ADGRL2: variants seen among roughly 807,000 people sequenced by gnomAD.
ADGRL2 encodes the protein calcium-independent alpha-latrotoxin receptor 2.
A neutral mutation model predicts 157.4 loss-of-function variants in ADGRL2; 44 were observed. The ratio of observed to expected loss-of-function variants is 0.28; its 90% CI spans 0.22 to 0.36. The LOEUF is 0.36. Ranked by LOEUF, ADGRL2 falls within the 10% of genes least tolerant of loss-of-function variation. The probability of loss-of-function intolerance (pLI) is 1.00; values close to 1 mark genes in which losing one functional copy is unlikely to be tolerated. For missense variants in ADGRL2, 1,510 were observed against 1,768.9 expected (o/e 0.85, Z 2.63); for synonymous variants, 585 against 624.7 (o/e 0.94, Z 0.95).
At chr1:81,342,050 T>C (rs985788022) in intron 1 of ADGRL2, among the ~76,000 whole-genome samples, 12 of 152,282 alleles carry the variant, frequency 7.9e-5, no homozygotes, top group Admixed American at 5.2e-4. Context: ...ACTTAGTTAG[T>C]GACAGTCAGA....
At chr1:81,314,494 A>G (rs1341098339) in intron 1 of ADGRL2, among the ~76,000 whole-genome samples, 1 of 152,182 alleles carries the variant, frequency 6.6e-6, no homozygotes, top group East Asian at 1.9e-4. Flanking sequence ...AACCATTTGT[A>G]TTAATCCACA....
At chr1:81,982,443 C>T (rs952729417) in intron 19 of ADGRL2, among the ~76,000 whole-genome samples, 8 of 151,896 alleles carry the variant, frequency 5.3e-5, no homozygotes, top group Non-Finnish European at 1.0e-4. Flanking sequence ...TAGTACCTTA[C>T]ATCTTACTTA....
At chr1:81,560,058 T>C (rs6605238) in intron 2 of ADGRL2, among the ~76,000 whole-genome samples, 2 of 152,040 alleles carry the variant, frequency 1.3e-5, no homozygotes, top group African/African-American at 4.8e-5. Flanking sequence ...ATACCTTTTT[T>C]TAATCCAGAC....
chr1:81,350,997 T>C (rs1004081609), intron 1 of ADGRL2, among the ~76,000 whole-genome samples: 1 of 152,196 alleles, frequency 6.6e-6, no homozygotes, highest in East Asian at 1.9e-4. Context: ...ATAAAAAATA[T>C]GTAAAATCTG....
At chr1:81,412,153 C>T (rs1291214417) in intron 1 of ADGRL2, among the ~76,000 whole-genome samples, 1 of 152,090 alleles carries the variant, frequency 6.6e-6, no homozygotes, top group Non-Finnish European at 1.5e-5. Flanking sequence ...GAAACTGATG[C>T]AGAGAAAAGT....
intron 1 of ADGRL2, among the ~76,000 whole-genome samples, chr1:81,332,662 G>A (rs1661352885): frequency 6.6e-6 from 1 of 152,116 alleles, no homozygotes; most frequent in Non-Finnish European, 1.5e-5. Flanking sequence ...GGACTCCTCT[G>A]AGGAAACATG....
chr1:81,435,825 G>A (rs903434887), intron 1 of ADGRL2, among the ~76,000 whole-genome samples: 6 of 152,116 alleles, frequency 3.9e-5, no homozygotes, highest in African/African-American at 7.2e-5. Context: ...GACAGGGTGC[G>A]GTGGCTCATG....
intron 1 of ADGRL2, among the ~76,000 whole-genome samples, chr1:81,317,005 G>C (rs919109302): frequency 1.3e-5 from 2 of 152,094 alleles, no homozygotes; most frequent in African/African-American, 2.4e-5. Flanking sequence ...AATGCTATCT[G>C]TCTGTCTTTT....
At chr1:81,772,280 T>C (rs1571160411) in intron 2 of ADGRL2, among the ~76,000 whole-genome samples, 1 of 151,692 alleles carries the variant, frequency 6.6e-6, no homozygotes, top group African/African-American at 2.4e-5. Flanking sequence ...TATCCTTTAG[T>C]GTTTAATTTC....
At chr1:81,582,964 T>C (rs150219121) in intron 3 of ADGRL2, among the ~76,000 whole-genome samples, 1 of 152,282 alleles carries the variant, frequency 6.6e-6, no homozygotes, top group Non-Finnish European at 1.5e-5. Context: ...TGATTCATCC[T>C]ATTTTGCTTC....
chr1:81,721,933 T>TA, intron 1 of ADGRL2: 1 of 668,876 alleles, frequency 1.5e-6, no homozygotes, highest in East Asian at 3.0e-5. Context: ...GAAAGTGATC[T>TA]AGAAGTTGAT....
intron 1 of ADGRL2, among the ~76,000 whole-genome samples, chr1:81,829,745 CTTAACA>C (rs1311814804): frequency 2.0e-5 from 3 of 152,150 alleles, no homozygotes; most frequent in African/African-American, 7.2e-5. Context: ...AGATGGCTTC[CTTAACA>C]TTACTTAAGG....
rs76896200 is a variant in ADGRL2 at position 81,464,659 on chromosome 1, G to A, written c.-248+19570G>A. Among the ~76,000 whole-genome samples, 73 of 152,192 alleles carry A rather than the reference G, an allele frequency of 4.8e-4. No homozygotes were observed. The East Asian group carries it at 0.012, about 25-fold the overall frequency. On this transcript the variant is annotated intron_variant, in intron 2 of 24. Coordinates refer to the ADGRL2 transcript ENST00000370721. ...GCCCATCTGAGTTAGGGCTTTTACCGTGGTTAATTGATACAGTTACTCCAG... is the reference window on the plus strand; with the variant it reads ...GCCCATCTGAGTTAGGGCTTTTACCATGGTTAATTGATACAGTTACTCCAG...
intron 2 of ADGRL2, among the ~76,000 whole-genome samples, chr1:81,839,589 C>T (rs191751246): frequency 3.2e-4 from 48 of 151,764 alleles, no homozygotes; most frequent in African/African-American, 8.9e-4. Context: ...GCCTTTGTGT[C>T]CTCATAGCTT....
intron 1 of ADGRL2, among the ~76,000 whole-genome samples, chr1:81,380,689 T>C (rs1016706344): frequency 7.9e-5 from 12 of 152,334 alleles, no homozygotes; most frequent in Non-Finnish European, 1.3e-4. Context: ...AATAATAACA[T>C]CTATTGCTAA....
At chr1:81,708,110 A>G (rs1399203913) in intron 1 of ADGRL2, among the ~76,000 whole-genome samples, 1 of 152,142 alleles carries the variant, frequency 6.6e-6, no homozygotes, top group Non-Finnish European at 1.5e-5. Context: ...TTGTGCATAT[A>G]TTTGTGTACA....
chr1:81,318,056 T>G (rs2100597074), intron 1 of ADGRL2, among the ~76,000 whole-genome samples: 1 of 152,274 alleles, frequency 6.6e-6, no homozygotes, highest in East Asian at 1.9e-4. Flanking sequence ...TACCAAATAT[T>G]ATATTTGCAA....
chr1:81,721,175 T>A (rs1420491911), intron 1 of ADGRL2, among the ~76,000 whole-genome samples: 1 of 150,790 alleles, frequency 6.6e-6, no homozygotes, highest in Non-Finnish European at 1.5e-5. Context: ...CCCCGCCAGA[T>A]TTAAACAATT....
chr1:81,540,727 A>C (rs2079863088), intron 2 of ADGRL2, among the ~76,000 whole-genome samples: 1 of 152,198 alleles, frequency 6.6e-6, no homozygotes, highest in African/African-American at 2.4e-5. Context: ...TAAGAAATTC[A>C]AAGGTATTAA....
Sources: allele counts gnomAD v4.1 joint callset (sites outside exome capture counted in the v4.1 genomes callset), GRCh38; gene constraint gnomAD v4.1.1; transcripts MANE v1.5; gene names NCBI Gene and HGNC (gene_info 2026-07-23, HGNC 2026-07-21).